HIRA: variants seen among roughly 807,000 people sequenced by gnomAD.
HIRA encodes the protein histone cell cycle regulator, also known as protein HIRA.
Under a neutral mutation model 126.6 loss-of-function variants are expected in HIRA, and 13 were observed. The observed-to-expected ratio is 0.10, with a 90% CI of 0.07 to 0.16. The LOEUF (loss-of-function observed/expected upper bound fraction) is 0.16. Ranked by LOEUF, HIRA falls within the 10% of genes least tolerant of loss-of-function variation. The pLI, the probability that HIRA is intolerant of heterozygous loss-of-function variation, is 1.00. For missense variants in HIRA, 834 were observed against 1,314.4 expected (o/e 0.63, Z 5.65); for synonymous variants, 511 against 520.0 (o/e 0.98, Z 0.24).
chr22:19,340,805 T>A (rs2088619326), intron 24 of HIRA, among the ~76,000 whole-genome samples: 1 of 152,182 alleles, frequency 6.6e-6, no homozygotes, highest in Non-Finnish European at 1.5e-5. Flanking sequence ...GGAATATACC[T>A]AACCAAGGAT....
chr22:19,413,624 T>TA (rs1822528555), intron 1 of HIRA, among the ~76,000 whole-genome samples: 1 of 149,680 alleles, frequency 6.7e-6, no homozygotes, highest in Admixed American at 6.8e-5. Context: ...TTTATTTATT[T>TA]ATTTATAGAC....
chr22:19,398,136 C>A (rs781357488), intron 5 of HIRA, 49 bp from the exon 6 acceptor site: 21 of 1,433,422 alleles, frequency 1.5e-5, no homozygotes, highest in Non-Finnish European at 2.1e-5. Flanking sequence ...TGGTGATGCC[C>A]TTGTCTATTA....
rs575050947 is a variant in HIRA, at chr22:19,390,601, CAAAAAAAAAAAA to C, written c.936+1488_936+1499del. ...TGGGCAATAGAGGGAGACTCTGTCT[CAAAAAAAAAAAA>C]AAAAAAAAAAAAAAGAAGCTGAAGA... is the stretch of plus-strand genomic sequence containing the variant. On this transcript the variant is annotated intron_variant, in intron 9 of 24. Transcript: ENST00000263208. 2.3e-4 allele frequency among the ~76,000 whole-genome samples: 9 copies of C among 38,342 alleles called. No homozygotes were observed. In the South Asian group the frequency reaches 5.5e-3, roughly 23 times the overall value. The allele number at this position is 38,342 out of a possible 152,430, so 25.2% of individuals were successfully genotyped here.
At position 19,378,015 on chromosome 22, in the gene HIRA, C is replaced by A. The variant is rs116388467; in HGVS notation, c.1467G>T (p.Ala489=). 1 of 1,606,536 alleles carries A rather than the reference C, an allele frequency of 6.2e-7. No individual in the cohort carries two copies. Among genetic ancestry groups the A allele is most frequent in the South Asian group, 1.1e-5 (1 of 89,812 alleles). Residue 489 remains alanine (A), a synonymous_variant, in exon 14 of 25, where the codon GCG becomes GCT. Transcript: ENST00000263208. ...TGCTATGAGAAGAGAGCATGGTGCC[C>A]GCCAGGGAGCCCGAGAGGGGGATGC... is the stretch of plus-strand genomic sequence containing the variant. ...FNSIPLSGSL[A]GTMLSSHSSP...
At chr22:19,371,438 G>GT (rs888919167) in intron 15 of HIRA, among the ~76,000 whole-genome samples, 20 of 150,826 alleles carry the variant, frequency 1.3e-4, no homozygotes, top group South Asian at 2.1e-4. Context: ...TCCAAATCTG[G>GT]TTTTTTTTTG....
At position 19,361,739 on chromosome 22, in the gene HIRA, A is replaced by G. The variant is rs1324560234; in HGVS notation, c.1968T>C (p.Ser656=). 2.5e-6 allele frequency: 4 copies of G among 1,612,326 alleles called. No individual in the cohort carries two copies. The African/African-American group carries it at 5.3e-5, about 22-fold the overall frequency. Residue 656 remains serine (S), a synonymous_variant, in exon 16 of 25, where the codon TCT becomes TCC. Coordinates refer to ENST00000263208, the MANE Select transcript of HIRA (RefSeq NM_003325.4). ...PRKDSRLMPV[S]LSVQSPAALT... The stretch of plus-strand genomic sequence containing the variant: ...CCACTGGCCTCACCTGGACAGACAG[A>G]GACACAGGCATGAGACGAGAGTCCT...
chr22:19,344,691 TA>T (rs2088667306), intron 24 of HIRA, among the ~76,000 whole-genome samples: 1 of 152,108 alleles, frequency 6.6e-6, no homozygotes, highest in Admixed American at 6.6e-5. Context: ...AGAAAACTAT[TA>T]GATCAATATC....
chr22:19,379,996 G>A (rs12165598), intron 13 of HIRA, among the ~76,000 whole-genome samples: 12,636 of 151,736 alleles, frequency 0.083, 1,768 homozygotes, highest in African/African-American at 0.29. Flanking sequence ...TTTTAGTAGA[G>A]ACGGGGTTTC....
intron 15 of HIRA, among the ~76,000 whole-genome samples, chr22:19,366,475 T>C (rs1450492970): frequency 6.6e-6 from 1 of 152,228 alleles, no homozygotes; most frequent in Non-Finnish European, 1.5e-5. Flanking sequence ...CAGTGATTCA[T>C]GGGATGTCAA....
intron 21 of HIRA, among the ~76,000 whole-genome samples, chr22:19,355,558 G>A (rs1413989155): frequency 6.6e-6 from 1 of 152,198 alleles, no homozygotes; most frequent in Admixed American, 6.5e-5. Context: ...CTGCACACAG[G>A]CTCTGAGGGC....
chr22:19,414,699 TAAATG>T, intron 1 of HIRA, among the ~76,000 whole-genome samples: 1 of 152,174 alleles, frequency 6.6e-6, no homozygotes, highest in Admixed American at 6.5e-5. Context: ...AAACATTTAT[TAAATG>T]AAACAGTTAC....
chr22:19,371,479 G>GAT (rs993525680), intron 15 of HIRA, among the ~76,000 whole-genome samples: 2 of 151,636 alleles, frequency 1.3e-5, no homozygotes, highest in Non-Finnish European at 1.5e-5. Flanking sequence ...TTTTTATTGA[G>GAT]ATATATATAT....
At position 19,395,553 on chromosome 22, in the gene HIRA, G is replaced by T. The variant is rs370439963; in HGVS notation, c.655-1044C>A. 3.3e-5 allele frequency among the ~76,000 whole-genome samples: 5 copies of T among 152,230 alleles called. No individual in the cohort carries two copies. The East Asian group carries it at 5.8e-4, about 18-fold the overall frequency. ...AACCAGTACTCATATACCTAGCCCAGGAGCTGGTGTTGTGCGGGAAGAACT... is the reference window on the plus strand; with the variant it reads ...AACCAGTACTCATATACCTAGCCCATGAGCTGGTGTTGTGCGGGAAGAACT... On this transcript the variant is annotated intron_variant, in intron 7 of 24. Transcript: ENST00000263208.
At chr22:19,365,628 GCAATGCACTTGGT>G (rs1180543882) in intron 15 of HIRA, 1 of 152,206 alleles carries the variant, frequency 6.6e-6, no homozygotes. Context: ...CTGCTGACTG[GCAATGCACTTGGT>G]CAACCAAGAG....
intron 15 of HIRA, 125 bp downstream of exon 15, chr22:19,375,506 T>C: frequency 1.0e-6 from 1 of 961,910 alleles, no homozygotes; most frequent in Non-Finnish European, 1.6e-6. Context: ...TGCTCCCATG[T>C]ATTGAGTGGC....
rs542900113 is a variant in HIRA at position 19,401,403 on chromosome 22, C to T, written c.398-3316G>A. ...CGCTTCTTTTCACTGTCTTAACTGGCCTCTCCTTCTAGCTTCTTTTTCTGG... is the reference window on the plus strand; with the variant it reads ...CGCTTCTTTTCACTGTCTTAACTGGTCTCTCCTTCTAGCTTCTTTTTCTGG... On this transcript the variant is annotated intron_variant, in intron 5 of 24. Coordinates refer to ENST00000263208, the MANE Select transcript of HIRA (RefSeq NM_003325.4). Among the ~76,000 whole-genome samples, 6 of 152,076 alleles carry T rather than the reference C, an allele frequency of 3.9e-5. No individual in the cohort carries two copies. In the East Asian group the frequency reaches 1.2e-3, roughly 29 times the overall value.
intron 5 of HIRA, chr22:19,405,444 A>C: frequency 1.0e-6 from 1 of 978,712 alleles, no homozygotes; most frequent in Non-Finnish European, 1.2e-6. Flanking sequence ...TTTCTGGGGA[A>C]TAAACAAAGT....
At chr22:19,379,248 G>A (rs1293101452) in intron 13 of HIRA, among the ~76,000 whole-genome samples, 3 of 151,374 alleles carry the variant, frequency 2.0e-5, no homozygotes, top group South Asian at 2.1e-4. Context: ...TCCTGACCTC[G>A]TGATCCGCCC....
intron 4 of HIRA, 23 bp downstream of exon 4, chr22:19,407,147 TAAAAATAAAATGTG>T (rs1168012417): frequency 9.7e-6 from 15 of 1,546,814 alleles, no homozygotes; most frequent in Non-Finnish European, 1.3e-5. Flanking sequence ...AAGCAGCTTC[TAAAAATAAAATGTG>T]AAGAAAGGAA....
Sources: gnomAD v4.1 joint callset for allele counts (sites outside exome capture counted in the v4.1 genomes callset) on GRCh38, gnomAD v4.1.1 for gene constraint, MANE v1.5 for transcripts, NCBI Gene and HGNC (gene_info 2026-07-23, HGNC 2026-07-21) for gene names.